The following PDGFRL variants were observed in gnomAD, a reference collection of about 807,000 sequenced individuals.
PDGFRL encodes platelet-derived growth factor receptor-like protein.
A neutral mutation model predicts 37.2 loss-of-function variants in PDGFRL; 46 were observed. The observed-to-expected ratio is 1.24, with a 90% confidence interval of 0.98 to 1.58. PDGFRL has a LOEUF of 1.58. PDGFRL is among the 40% of genes most tolerant of loss of function. PDGFRL has a pLI of 0.00. For synonymous variants in PDGFRL, 251 were observed against 184.3 expected (o/e 1.36, Z -2.93); for missense variants, 692 against 467.6 (o/e 1.48, Z -4.43).
chr8:17,636,820 A>C (rs1052414325), intron 5 of PDGFRL, among the ~76,000 whole-genome samples: 6 of 152,058 alleles, frequency 3.9e-5, no homozygotes, highest in Admixed American at 1.3e-4. Context: ...TTCCTTGCAG[A>C]GGTCTTTCAC....
intron 3 of PDGFRL, among the ~76,000 whole-genome samples, chr8:17,624,175 G>A (rs763806750): frequency 1.4e-4 from 21 of 152,288 alleles, no homozygotes; most frequent in Admixed American, 5.2e-4. Context: ...TGTTACAGAA[G>A]CTGAGGTTCT....
intron 2 of PDGFRL, among the ~76,000 whole-genome samples, chr8:17,608,606 C>T (rs753058428): frequency 3.3e-5 from 5 of 152,192 alleles, no homozygotes; most frequent in Non-Finnish European, 7.4e-5. Context: ...GGAGAATGCA[C>T]GCTAAATAGC....
chr8:17,619,967 C>T (rs923692020), intron 2 of PDGFRL, among the ~76,000 whole-genome samples: 1 of 152,110 alleles, frequency 6.6e-6, no homozygotes, highest in African/African-American at 2.4e-5. Context: ...CAGAAACGTA[C>T]TCTTTATTTT....
chr8:17,600,839 A>T, intron 2 of PDGFRL, among the ~76,000 whole-genome samples: 1 of 150,438 alleles, frequency 6.6e-6, no homozygotes, highest in East Asian at 2.0e-4. Flanking sequence ...AAAATTAGCC[A>T]GGCATAGTAG....
chr8:17,617,314 G>A (rs912627749), intron 2 of PDGFRL, among the ~76,000 whole-genome samples: 19 of 152,218 alleles, frequency 1.2e-4, no homozygotes, highest in East Asian at 1.9e-4. Flanking sequence ...CTCTTAGGAC[G>A]CTTTTTCCTG....
intron 1 of PDGFRL, among the ~76,000 whole-genome samples, chr8:17,587,818 T>G (rs1346253159): frequency 6.6e-6 from 1 of 152,030 alleles, no homozygotes; most frequent in Non-Finnish European, 1.5e-5. Flanking sequence ...TTAGTAGAGA[T>G]GGGGTTTCGC....
intron 2 of PDGFRL, among the ~76,000 whole-genome samples, chr8:17,603,785 G>A (rs963286809): frequency 1.4e-4 from 21 of 152,138 alleles, no homozygotes; most frequent in African/African-American, 5.1e-4. Flanking sequence ...AAATATTAAA[G>A]TCTGTTAGCA....
chr8:17,627,037 G>C (rs1242091972), intron 3 of PDGFRL, among the ~76,000 whole-genome samples: 1 of 152,174 alleles, frequency 6.6e-6, no homozygotes, highest in East Asian at 1.9e-4. Context: ...GCAGGCGCCA[G>C]ATCCTCTGGG....
intron 2 of PDGFRL, among the ~76,000 whole-genome samples, chr8:17,615,753 A>C (rs1057483258): frequency 6.6e-6 from 1 of 152,142 alleles, no homozygotes; most frequent in African/African-American, 2.4e-5. Context: ...TGTCTCTACA[A>C]AAAAATGTAA....
chr8:17,592,339 C>A (rs951033981), intron 2 of PDGFRL, among the ~76,000 whole-genome samples: 2 of 152,204 alleles, frequency 1.3e-5, no homozygotes, highest in Non-Finnish European at 2.9e-5. Context: ...TGTCCCCTGT[C>A]TGAGGCGCTC....
rs764041411 is a variant in PDGFRL at position 17,634,199 on chromosome 8, T to C, written c.925T>C (p.Phe309Leu). Reference sequence around the variant, plus strand: ...TGTGGAGGTGGAGTTCACCTGGATCTTCCCAGGGCAGAAGGTAAGTGTTGT... The same window carrying C: ...TGTGGAGGTGGAGTTCACCTGGATCCTCCCAGGGCAGAAGGTAAGTGTTGT... ...PDVEVEFTWI[F>L]PGQKDERPVT... The change falls in exon 5 of 6, where the codon TTC (phenylalanine) becomes CTC (leucine). Residue 309 changes from phenylalanine (F) to leucine (L), a missense_variant. Physicochemically the swap from Phe to Leu is conservative, Grantham distance 22. Transcript: ENST00000251630. The C allele has an allele frequency of 6.2e-6, 10 of 1,612,502 alleles. No homozygotes were observed. Among genetic ancestry groups the C allele is most frequent in the Non-Finnish European group, 8.5e-6 (10 of 1,178,778 alleles).
chr8:17,603,415 T>C (rs1429265253), intron 2 of PDGFRL, among the ~76,000 whole-genome samples: 7 of 152,194 alleles, frequency 4.6e-5, no homozygotes, highest in Non-Finnish European at 1.0e-4. Flanking sequence ...AACAGTGTAG[T>C]TGATCCCTTC....
chr8:17,601,707 A>G (rs1245865228), intron 2 of PDGFRL, among the ~76,000 whole-genome samples: 1 of 152,090 alleles, frequency 6.6e-6, no homozygotes, highest in Non-Finnish European at 1.5e-5. Flanking sequence ...TTTAAAAGTG[A>G]GAGCATGTGG....
chr8:17,618,936 G>A (rs1478474543), intron 2 of PDGFRL, among the ~76,000 whole-genome samples: 2 of 152,032 alleles, frequency 1.3e-5, no homozygotes, highest in African/African-American at 4.8e-5. Context: ...GCTTCCTGAA[G>A]GAGGAGAGAT....
At chr8:17,595,739 G>C (rs1758165066) in intron 2 of PDGFRL, among the ~76,000 whole-genome samples, 1 of 152,214 alleles carries the variant, frequency 6.6e-6, no homozygotes, top group Non-Finnish European at 1.5e-5. Flanking sequence ...GGGTACCCCA[G>C]GTAGAGCTAA....
chr8:17,581,451 A>C (rs1038988955), intron 1 of PDGFRL, among the ~76,000 whole-genome samples: 3 of 152,210 alleles, frequency 2.0e-5, no homozygotes, highest in Admixed American at 2.0e-4. Context: ...AATTTGATTT[A>C]TGTTTTCAAA....
chr8:17,609,306 A>G (rs767178413), intron 2 of PDGFRL, among the ~76,000 whole-genome samples: 36 of 152,056 alleles, frequency 2.4e-4, no homozygotes, highest in Admixed American at 3.3e-4. Context: ...TGGGAATTCA[A>G]GACCAGCCTG....
intron 1 of PDGFRL, among the ~76,000 whole-genome samples, chr8:17,588,479 C>G (rs1445111630): frequency 6.7e-6 from 1 of 149,676 alleles, no homozygotes; most frequent in African/African-American, 2.4e-5. Flanking sequence ...GAGTTTGAGA[C>G]CAGCTTGGGC....
chr8:17,591,044 G>A (rs1299697384), intron 2 of PDGFRL, among the ~76,000 whole-genome samples: 1 of 151,946 alleles, frequency 6.6e-6, no homozygotes, highest in Non-Finnish European at 1.5e-5. Flanking sequence ...CACCACGCCT[G>A]GCTAATTTTT....
Sources: gnomAD v4.1 joint callset for allele counts (sites outside exome capture counted in the v4.1 genomes callset) on GRCh38, gnomAD v4.1.1 for gene constraint, MANE v1.5 for transcripts, NCBI Gene and HGNC (gene_info 2026-07-23, HGNC 2026-07-21) for gene names.